NAALADL2: variants seen among roughly 807,000 people sequenced by gnomAD.
The protein encoded by NAALADL2 is N-acetylated alpha-linked acidic dipeptidase like 2.
NAALADL2 carries 76 observed loss-of-function variants against 87.2 expected under a neutral mutation model. The observed-to-expected ratio is 0.87, with a 90% confidence interval of 0.72 to 1.05. The LOEUF (loss-of-function observed/expected upper bound fraction) is 1.05. NAALADL2 is among the 50% of genes least tolerant of loss of function. The pLI, the probability that NAALADL2 is intolerant of heterozygous loss-of-function variation, is 0.00. For synonymous variants in NAALADL2, 354 were observed against 331.0 expected (o/e 1.07, Z -0.75); for missense variants, 1,089 against 945.8 (o/e 1.15, Z -1.99).
intron 2 of NAALADL2, among the ~76,000 whole-genome samples, chr3:174,737,332 T>G (rs1234630587): frequency 6.6e-6 from 1 of 152,266 alleles, no homozygotes; most frequent in African/African-American, 2.4e-5. Flanking sequence ...TAGCAGTGTG[T>G]GGCACAAAGT....
At chr3:175,461,863 C>T (rs1723179801) in intron 6 of NAALADL2, among the ~76,000 whole-genome samples, 1 of 151,928 alleles carries the variant, frequency 6.6e-6, no homozygotes, top group Non-Finnish European at 1.5e-5. Context: ...CATATGAGCC[C>T]AGTGCTATGA....
At chr3:175,190,995 AAAAG>A (rs1738105727) in intron 2 of NAALADL2, among the ~76,000 whole-genome samples, 1 of 151,360 alleles carries the variant, frequency 6.6e-6, no homozygotes, top group South Asian at 2.1e-4. Flanking sequence ...AAAAAAAAAA[AAAAG>A]AAAAAGAAAA....
intron 9 of NAALADL2, among the ~76,000 whole-genome samples, chr3:175,574,894 T>C (rs539080178): frequency 6.6e-6 from 1 of 152,184 alleles, no homozygotes; most frequent in East Asian, 1.9e-4. Context: ...TGACACTTGA[T>C]GTTCTTATAC....
intron 1 of NAALADL2, among the ~76,000 whole-genome samples, chr3:174,934,764 G>A (rs980132757): frequency 6.6e-6 from 1 of 152,024 alleles, no homozygotes; most frequent in African/African-American, 2.4e-5. Context: ...CATGATTCTT[G>A]TCTCAAAGAA....
At chr3:174,567,077 A>G (rs1714376013) in intron 2 of NAALADL2, among the ~76,000 whole-genome samples, 1 of 151,680 alleles carries the variant, frequency 6.6e-6, no homozygotes, top group Admixed American at 6.6e-5. Flanking sequence ...TCTAGAATGC[A>G]AGAGAGACAT....
chr3:175,136,308 C>A (rs137882617), intron 2 of NAALADL2, among the ~76,000 whole-genome samples: 1 of 152,124 alleles, frequency 6.6e-6, no homozygotes, highest in Non-Finnish European at 1.5e-5. Context: ...AGCTCTAAAG[C>A]AGTTTATCAC....
chr3:174,975,129 G>A (rs1744202458), intron 1 of NAALADL2, among the ~76,000 whole-genome samples: 1 of 152,052 alleles, frequency 6.6e-6, no homozygotes, highest in Non-Finnish European at 1.5e-5. Flanking sequence ...ATAGTACAGA[G>A]CTAGGGAAAC....
At chr3:175,765,160 T>C (rs1012250267) in intron 13 of NAALADL2, among the ~76,000 whole-genome samples, 1 of 152,156 alleles carries the variant, frequency 6.6e-6, no homozygotes, top group African/African-American at 2.4e-5. Context: ...GCATACAAAA[T>C]TTTATAATCT....
At chr3:175,317,859 A>T (rs1383354809) in intron 4 of NAALADL2, among the ~76,000 whole-genome samples, 2 of 152,170 alleles carry the variant, frequency 1.3e-5, no homozygotes, top group African/African-American at 4.8e-5. Context: ...AGCTAGTAAG[A>T]CTCTAACTTA....
intron 9 of NAALADL2, among the ~76,000 whole-genome samples, chr3:175,495,035 G>A (rs1728611992): frequency 6.7e-6 from 1 of 148,336 alleles, no homozygotes; most frequent in Non-Finnish European, 1.5e-5. Context: ...ATTTCTCATT[G>A]CTGCTCTTCT....
At chr3:175,283,646 TACAACAAA>T (rs1370938672) in intron 4 of NAALADL2, among the ~76,000 whole-genome samples, 24 of 152,132 alleles carry the variant, frequency 1.6e-4, no homozygotes, top group Non-Finnish European at 2.6e-4. Context: ...TCACATTCCA[TACAACAAA>T]GCAGAAATAA....
chr3:175,519,046 G>C (rs1029780363), intron 9 of NAALADL2, among the ~76,000 whole-genome samples: 1 of 152,140 alleles, frequency 6.6e-6, no homozygotes, highest in Non-Finnish European at 1.5e-5. Flanking sequence ...GCCTGACTGG[G>C]GAACCCAGTA....
At chr3:175,522,691 T>TA (rs1296833635) in intron 9 of NAALADL2, among the ~76,000 whole-genome samples, 2 of 152,246 alleles carry the variant, frequency 1.3e-5, no homozygotes, top group Admixed American at 6.5e-5. Context: ...TCACTTCTGA[T>TA]ATTGTCTTCT....
chr3:175,479,359 A>G (rs1192520087), intron 9 of NAALADL2, among the ~76,000 whole-genome samples: 2 of 151,880 alleles, frequency 1.3e-5, no homozygotes, highest in Admixed American at 6.6e-5. Context: ...TATGAAAGGT[A>G]TACAAAGTAG....
intron 2 of NAALADL2, among the ~76,000 whole-genome samples, chr3:175,121,708 C>T (rs1471354392): frequency 1.3e-5 from 2 of 151,816 alleles, no homozygotes; most frequent in Non-Finnish European, 2.9e-5. Flanking sequence ...GGGCATCCTC[C>T]CTATGCAGGT....
chr3:174,966,870 C>T (rs1742951713), intron 1 of NAALADL2, among the ~76,000 whole-genome samples: 1 of 152,008 alleles, frequency 6.6e-6, no homozygotes, highest in Non-Finnish European at 1.5e-5. Flanking sequence ...ATCTGAATCC[C>T]TGGAAAAAAC....
At chr3:175,308,132 T>C (rs1205578567) in intron 4 of NAALADL2, among the ~76,000 whole-genome samples, 2 of 152,206 alleles carry the variant, frequency 1.3e-5, no homozygotes, top group African/African-American at 4.8e-5. Context: ...GAAAACCATT[T>C]TTTTTATGAA....
At chr3:174,849,280 A>T (rs931334930) in intron 3 of NAALADL2, among the ~76,000 whole-genome samples, 9 of 152,298 alleles carry the variant, frequency 5.9e-5, no homozygotes, top group African/African-American at 1.9e-4. Context: ...ATACTTTACA[A>T]ACTTTTTATT....
intron 4 of NAALADL2, among the ~76,000 whole-genome samples, chr3:175,258,034 C>T (rs918862231): frequency 2.6e-5 from 4 of 152,046 alleles, no homozygotes; most frequent in Non-Finnish European, 4.4e-5. Flanking sequence ...TGGGGCCAGG[C>T]GCGGTGTCTC....
Sources: gnomAD v4.1 joint callset for allele counts (sites outside exome capture counted in the v4.1 genomes callset) on GRCh38, gnomAD v4.1.1 for gene constraint, MANE v1.5 for transcripts, NCBI Gene and HGNC (gene_info 2026-07-23, HGNC 2026-07-21) for gene names.